Variants in TCF24 observed in about 807,000 individuals in gnomAD.
TCF24 encodes transcription factor 24.
In TCF24, 5 loss-of-function variants were observed where a neutral mutation model predicts 9.3. The observed-to-expected ratio is 0.54, with a 90% confidence interval of 0.28 to 1.13. The LOEUF is 1.13. Ranked by LOEUF, TCF24 falls within the 50% of genes most tolerant of loss-of-function variation. TCF24 has a pLI of 0.09. For synonymous variants in TCF24, 110 were observed against 115.8 expected, an observed-to-expected ratio of 0.95 and a Z score of 0.32; for missense variants, 220 against 236.1, an observed-to-expected ratio of 0.93 and a Z score of 0.45.
intron 3 of TCF24, among the ~76,000 whole-genome samples, chr8:66,951,332 T>C (rs1251967297): frequency 1.4e-5 from 2 of 147,384 alleles, no homozygotes; most frequent in Non-Finnish European, 3.0e-5. Flanking sequence ...AGGCCTTTTC[T>C]GCATCTATTG....
chr8:66,952,060 A>G (rs373441132), intron 3 of TCF24, among the ~76,000 whole-genome samples: 1 of 148,006 alleles, frequency 6.8e-6, no homozygotes, highest in East Asian at 2.0e-4. Context: ...TGGATTCATT[A>G]ATTTTTTGAA....
intron 3 of TCF24, among the ~76,000 whole-genome samples, chr8:66,951,237 A>T (rs986871875): frequency 2.8e-5 from 4 of 143,164 alleles, no homozygotes; most frequent in Non-Finnish European, 6.0e-5. Context: ...TTTGTCATAG[A>T]TAGCTCTTAT....
At chr8:66,948,836 TAGG>T (rs1184651059) in intron 3 of TCF24, among the ~76,000 whole-genome samples, 1 of 152,108 alleles carries the variant, frequency 6.6e-6, no homozygotes, top group African/African-American at 2.4e-5. Flanking sequence ...GCTAGGATTA[TAGG>T]AGCATACCAC....
rs1435193503 is a variant in TCF24, at chr8:66,948,312, A to G, written c.391-148T>C. ...ATTATAAGTATGAAGTATAAGAAAC[A>G]ACAAGAAAAAATGTTTATTAATGCT... On this transcript the variant is annotated intron_variant, in intron 3 of 3. Coordinates refer to ENST00000563496, the MANE Select transcript of TCF24 (RefSeq NM_001193502.2). The G allele has an allele frequency of 2.1e-5, 11 of 536,046 alleles. No individual in the cohort carries two copies. The Admixed American group carries it at 3.2e-4, about 15-fold the overall frequency. 33.2% of individuals were successfully genotyped at this position (536,046 alleles called of 1,614,324 possible). A position where few individuals can be genotyped will look rare whatever the true frequency, so the allele number is the denominator to read the frequency against.
Position 66,947,960 on chromosome 8 carries a change from TTTG to T in TCF24, c.*88_*90del, listed in dbSNP as rs1813988154. 2.1e-6 allele frequency: 2 copies of T among 949,278 alleles called. No individual in the cohort carries two copies. Among genetic ancestry groups the T allele is most frequent in the Non-Finnish European group, 3.0e-6 (2 of 669,824 alleles). 58.8% of individuals were successfully genotyped at this position (949,278 alleles called of 1,614,324 possible). On this transcript the variant is annotated 3_prime_UTR_variant, in exon 4 of 4. Coordinates refer to ENST00000563496, the MANE Select transcript of TCF24 (RefSeq NM_001193502.2). ...GGTTCACATGTAAACTTTCAGAAAT[TTTG>T]TTATGTCTCATATAATAAATATAGA...
chr8:66,954,602 T>C (rs1388989615), intron 3 of TCF24, among the ~76,000 whole-genome samples: 2 of 152,278 alleles, frequency 1.3e-5, no homozygotes, highest in Middle Eastern at 3.4e-3. Flanking sequence ...CAGGCCTCCT[T>C]GAGCTGTGGT....
chr8:66,948,039 C>T lies in TCF24; in HGVS notation c.*12G>A, dbSNP rs1233271306. ...TAGCCACCACTTCTACCAGCCCCCA[C>T]CAGGGGAGAGCCTAAGGCTGTGAGT... On this transcript the variant is annotated 3_prime_UTR_variant, in exon 4 of 4. Transcript: ENST00000563496. 12 of 1,503,176 alleles carry T rather than the reference C, an allele frequency of 8.0e-6. No individual in the cohort carries two copies. Among genetic ancestry groups the T allele is most frequent in the African/African-American group, 1.4e-5 (1 of 72,124 alleles). 93.1% of individuals were successfully genotyped at this position (1,503,176 alleles called of 1,614,324 possible). A position where few individuals can be genotyped will look rare whatever the true frequency, so the allele number is the denominator to read the frequency against.
At chr8:66,948,202 T>A in intron 3 of TCF24, 38 bp from the exon 4 acceptor site, 1 of 1,439,894 alleles carries the variant, frequency 6.9e-7, no homozygotes, top group Non-Finnish European at 9.4e-7. Flanking sequence ...CAAAAGTTAG[T>A]ATCTATGACA....
chr8:66,962,107 G>A (rs1814268388), intron 1 of TCF24, 120 bp from the exon 2 acceptor site: 1 of 152,594 alleles, frequency 6.6e-6, no homozygotes, highest in Admixed American at 6.5e-5. Context: ...GCACTCGTTC[G>A]CGCTTGGGTG....
intron 3 of TCF24, among the ~76,000 whole-genome samples, chr8:66,957,235 G>A (rs889538960): frequency 6.6e-6 from 1 of 151,168 alleles, no homozygotes; most frequent in Non-Finnish European, 1.5e-5. Flanking sequence ...TGGCCAGCAC[G>A]GTGAAACCCT....
intron 3 of TCF24, among the ~76,000 whole-genome samples, chr8:66,948,683 C>CTATT (rs1814003611): frequency 1.3e-5 from 2 of 150,818 alleles, no homozygotes; most frequent in African/African-American, 4.9e-5. Context: ...ATCTATCTAT[C>CTATT]TATCTATCTA....
In TCF24 at chr8:66,946,727, A is replaced by G. The variant is rs1468698309; in HGVS notation, c.*1324T>C. 1 of 152,204 alleles carries G rather than the reference A, an allele frequency of 6.6e-6. No individual in the cohort carries two copies. The highest frequency in any genetic ancestry group is 1.5e-5 in the Non-Finnish European group (1 of 68,032). 9.4% of individuals were successfully genotyped at this position (152,204 alleles called of 1,614,324 possible). On this transcript the variant is annotated 3_prime_UTR_variant, in exon 4 of 4. Transcript: ENST00000563496. Reference sequence around the variant, plus strand: ...ATACAACTTGTAACTGGATGAGAAGAATTAAAAAGTAATACCATCAAAGGC... The same window carrying G: ...ATACAACTTGTAACTGGATGAGAAGGATTAAAAAGTAATACCATCAAAGGC...
chr8:66,953,647 T>C (rs200064839), intron 3 of TCF24, among the ~76,000 whole-genome samples: 5 of 152,044 alleles, frequency 3.3e-5, no homozygotes, highest in African/African-American at 1.2e-4. Context: ...TGGCCTGTCT[T>C]GCTAGATTGG....
intron 3 of TCF24, among the ~76,000 whole-genome samples, chr8:66,953,590 C>T (rs1168777117): frequency 1.3e-4 from 19 of 149,078 alleles, no homozygotes; most frequent in African/African-American, 4.7e-4. Context: ...TTGCTCTTCT[C>T]GAGGAGTATC....
intron 3 of TCF24, among the ~76,000 whole-genome samples, chr8:66,959,375 TATAA>T (rs1448851497): frequency 2.0e-5 from 3 of 152,220 alleles, no homozygotes; most frequent in Admixed American, 6.5e-5. Flanking sequence ...ACCATAAAAG[TATAA>T]ATAGTTAGGA....
chr8:66,947,985 T>A lies in TCF24; in HGVS notation c.*66A>T. 1 of 1,161,216 alleles carries A rather than the reference T, an allele frequency of 8.6e-7. No individual in the cohort carries two copies. The highest frequency in any genetic ancestry group is 1.2e-6 in the Non-Finnish European group (1 of 851,382). 71.9% of individuals were successfully genotyped at this position (1,161,216 alleles called of 1,614,324 possible). On this transcript the variant is annotated 3_prime_UTR_variant, in exon 4 of 4. Transcript: ENST00000563496. ...TTTGTTATGTCTCATATAATAAATA[T>A]AGAATTATGTCATAGTATTTAAAAA...
intron 3 of TCF24, among the ~76,000 whole-genome samples, chr8:66,948,899 C>T (rs79899317): frequency 0.13 from 19,929 of 152,026 alleles, 2,631 homozygotes; most frequent in African/African-American, 0.34. Flanking sequence ...TATTACCACG[C>T]TGTCCACGTC....
At chr8:66,953,980 T>C (rs2130899450) in intron 3 of TCF24, among the ~76,000 whole-genome samples, 1 of 151,874 alleles carries the variant, frequency 6.6e-6, no homozygotes, top group Non-Finnish European at 1.5e-5. Context: ...TATTGGTTAT[T>C]CTAGTTATAC....
Position 66,949,643 on chromosome 8 carries a change from T to TG in TCF24, c.391-1480dup, listed in dbSNP as rs1814025005. 3.3e-5 allele frequency among the ~76,000 whole-genome samples: 5 copies of TG among 152,266 alleles called. No individual in the cohort carries two copies. In the South Asian group the frequency reaches 1.0e-3, roughly 32 times the overall value. On this transcript the variant is annotated intron_variant, in intron 3 of 3. Coordinates refer to ENST00000563496, the MANE Select transcript of TCF24 (RefSeq NM_001193502.2). ...CCAGTAATGGGATGGCTGGGTCAAA[T>TG]GGTATTTCTAGTTCTAGATCCTTGA... is the stretch of plus-strand genomic sequence containing the variant.
Sources: allele counts gnomAD v4.1 joint callset (sites outside exome capture counted in the v4.1 genomes callset), GRCh38; gene constraint gnomAD v4.1.1; transcripts MANE v1.5; gene names NCBI Gene and HGNC (gene_info 2026-07-23, HGNC 2026-07-21).